EED: variants seen among roughly 807,000 people sequenced by gnomAD.
EED encodes the protein polycomb protein EED.
Under a neutral mutation model 61.0 loss-of-function variants are expected in EED, and 9 were observed. The ratio of observed to expected loss-of-function variants is 0.15; its 90% CI spans 0.09 to 0.26. EED has a LOEUF of 0.26. EED is among the 10% of genes least tolerant of loss of function. EED has a pLI of 1.00. For missense variants in EED, 315 were observed against 542.3 expected (o/e 0.58, Z 4.16); for synonymous variants, 187 against 174.4 (o/e 1.07, Z -0.57).
At chr11:86,250,696 C>T (rs539134000) in intron 2 of EED, among the ~76,000 whole-genome samples, 2 of 151,388 alleles carry the variant, frequency 1.3e-5, no homozygotes, top group South Asian at 4.2e-4. Context: ...GATGTTTTTG[C>T]TTTATTGTTT....
chr11:86,258,223 C>T (rs1024632037), intron 6 of EED, among the ~76,000 whole-genome samples: 1 of 152,056 alleles, frequency 6.6e-6, no homozygotes, highest in Non-Finnish European at 1.5e-5. Flanking sequence ...TTAGCATATC[C>T]AAATCATTTT....
chr11:86,255,483 T>A (rs1945645423), intron 4 of EED, among the ~76,000 whole-genome samples, 196 bp downstream of exon 4: 1 of 152,206 alleles, frequency 6.6e-6, no homozygotes, highest in Non-Finnish European at 1.5e-5. Flanking sequence ...TCAACTCAGC[T>A]AGGCAAAAAG....
chr11:86,279,542 C>A (rs1946300038), downstream of EED, among the ~76,000 whole-genome samples: 1 of 152,054 alleles, frequency 6.6e-6, no homozygotes, highest in Non-Finnish European at 1.5e-5. Flanking sequence ...TAACTTGAAG[C>A]AGAGGAGTGA....
Position 86,245,336 on chromosome 11 carries a change from A to G in EED, c.107A>G (p.Asp36Gly). Residue 36 changes from aspartate (D) to glycine (G), a missense_variant, in exon 1 of 12, where the codon GAC (aspartate) becomes GGC (glycine). By Grantham distance (94) the Asp-to-Gly change is moderately conservative. This residue lies in a region of EED where 110 missense variants were observed against 86.9 expected (regional missense o/e 1.27). Transcript: ENST00000263360. ...DENSNPDLSGDENDDAVSIES... is the reference protein window; with the variant it reads ...DENSNPDLSGGENDDAVSIES... ...AACAGCAATCCAGACCTCTCTGGAG[A>G]CGAGAATGTAAGTGCAGCTTCTGGC... 1 of 1,610,792 alleles carries G rather than the reference A, an allele frequency of 6.2e-7. No homozygotes were observed. Among genetic ancestry groups the G allele is most frequent in the Non-Finnish European group, 8.5e-7 (1 of 1,178,008 alleles).
chr11:86,275,109 T>G (rs1481069816), intron 9 of EED, among the ~76,000 whole-genome samples: 1 of 152,186 alleles, frequency 6.6e-6, no homozygotes, highest in Non-Finnish European at 1.5e-5. Context: ...CTGGAATACA[T>G]AAGGCAAAAG....
chr11:86,272,556 G>A lies in EED; in HGVS notation c.966+3995G>A, dbSNP rs7127311. 7.5e-4 allele frequency among the ~76,000 whole-genome samples: 114 copies of A among 152,108 alleles called. 1 individual carries two copies. The East Asian group carries it at 0.015, about 20-fold the overall frequency. On this transcript the variant is annotated intron_variant, in intron 9 of 11. Coordinates refer to ENST00000263360, the MANE Select transcript of EED (RefSeq NM_003797.5). ...GTCGAATTCTTCTATATCCTTGTTC[G>A]GTGTCTACTGTTTTATCAACTATTG...
rs556684546 is a variant in EED at position 86,256,491 on chromosome 11, T to C, written c.531T>C (p.Pro177=). The change falls in exon 5 of 12, where the codon CCT becomes CCC. Residue 177 remains proline, a synonymous_variant. Coordinates refer to ENST00000263360, the MANE Select transcript of EED (RefSeq NM_003797.5). ...GAGGCATAATTAGGATAATAAATCC[T>C]ATAACAATGCAGTGTATAAAGGTGG... ...GSRGIIRIIN[P]ITMQCIKHYV... 21 of 1,610,496 alleles carry C rather than the reference T, an allele frequency of 1.3e-5. 1 individual carries two copies. The South Asian group carries it at 2.3e-4, about 18-fold the overall frequency.
intron 5 of EED, 64 bp downstream of exon 5, chr11:86,256,576 A>G: frequency 1.4e-6 from 2 of 1,414,478 alleles, no homozygotes; most frequent in Non-Finnish European, 1.9e-6. Flanking sequence ...AAAACTTGTA[A>G]TGTTAAATTT....
At chr11:86,272,039 T>C (rs1011195096) in intron 9 of EED, among the ~76,000 whole-genome samples, 4 of 92,892 alleles carry the variant, frequency 4.3e-5, no homozygotes, top group African/African-American at 1.9e-4. Flanking sequence ...CAGAAGAGAT[T>C]GTGCAAAATT....
In EED at chr11:86,262,989, G is replaced by A. The variant is rs920137523; in HGVS notation, c.635-1183G>A. Among the ~76,000 whole-genome samples the A allele has an allele frequency of 2.6e-5, 4 of 151,946 alleles. No individual in the cohort carries two copies. The South Asian group carries it at 6.2e-4, about 24-fold the overall frequency. On this transcript the variant is annotated intron_variant, in intron 6 of 11. Coordinates refer to ENST00000263360, the MANE Select transcript of EED (RefSeq NM_003797.5). ...ACCACACCTGGCTAATTTATTTTCT[G>A]TAGGGATTGGGTCTCACTATGTTAC...
intron 1 of EED, among the ~76,000 whole-genome samples, chr11:86,248,032 C>T (rs552222465): frequency 6.6e-6 from 1 of 152,186 alleles, no homozygotes; most frequent in African/African-American, 2.4e-5. Flanking sequence ...TGTCTTTTTG[C>T]TTAAGCAAAA....
intron 7 of EED, chr11:86,265,844 T>C (rs2138195949): frequency 3.7e-6 from 1 of 270,754 alleles, no homozygotes; most frequent in Non-Finnish European, 6.9e-6. Context: ...TAAGTTTAAG[T>C]AATTTTTTCT....
At chr11:86,268,978 G>C (rs538735726) in intron 9 of EED, among the ~76,000 whole-genome samples, 40 of 152,030 alleles carry the variant, frequency 2.6e-4, no homozygotes, top group Non-Finnish European at 5.7e-4. Context: ...GCCAACCCCT[G>C]CCCCTGTTGA....
In EED at chr11:86,278,729, AT is replaced by A; in HGVS notation, c.*209del. On this transcript the variant is annotated 3_prime_UTR_variant, in exon 12 of 12. Coordinates refer to ENST00000263360, the MANE Select transcript of EED (RefSeq NM_003797.5). The stretch of plus-strand genomic sequence containing the variant: ...ACTCTACTGCTTTTAATAAAAATTT[AT>A]TTTTGTAAAGCTGTGTGTTTAGTTA... 1 of 564,468 alleles carries A rather than the reference AT, an allele frequency of 1.8e-6. No homozygotes were observed. The highest frequency in any genetic ancestry group is 2.6e-6 in the Non-Finnish European group (1 of 379,510). 35.0% of individuals were successfully genotyped at this position (564,468 alleles called of 1,614,324 possible).
chr11:86,266,894 A>G (rs1945994567), intron 8 of EED, among the ~76,000 whole-genome samples: 1 of 152,172 alleles, frequency 6.6e-6, no homozygotes, highest in African/African-American at 2.4e-5. Context: ...TTGTTTTAGC[A>G]AAGAGCTAGA....
intron 1 of EED, among the ~76,000 whole-genome samples, chr11:86,249,649 G>A (rs1356691026): frequency 6.7e-6 from 1 of 148,408 alleles, no homozygotes; most frequent in Non-Finnish European, 1.5e-5. Flanking sequence ...AGTCTCTGGA[G>A]TTCTGATTTA....
chr11:86,269,601 CAG>C (rs1261717934), intron 9 of EED, among the ~76,000 whole-genome samples: 27 of 152,002 alleles, frequency 1.8e-4, no homozygotes, highest in African/African-American at 5.1e-4. Context: ...AAAGATTGTG[CAG>C]AGAGGTCCCA....
chr11:86,274,258 A>G (rs1050567957), intron 9 of EED, among the ~76,000 whole-genome samples: 4 of 152,090 alleles, frequency 2.6e-5, no homozygotes, highest in Non-Finnish European at 4.4e-5. Flanking sequence ...AGTTCATTCT[A>G]AGTATGTTTG....
chr11:86,255,320 C>T, intron 4 of EED, 33 bp downstream of exon 4: 17 of 1,534,494 alleles, frequency 1.1e-5, no homozygotes, highest in Non-Finnish European at 1.5e-5. Flanking sequence ...TATCTTTAGT[C>T]AAAGGAATTT....
Sources: gnomAD v4.1 joint callset for allele counts (sites outside exome capture counted in the v4.1 genomes callset) on GRCh38, gnomAD v4.1.1 for gene constraint, gnomAD v4.1.1 regional missense constraint, MANE v1.5 for transcripts, NCBI Gene and HGNC (gene_info 2026-07-23, HGNC 2026-07-21) for gene names.